The following NAALADL2 variants were observed in gnomAD, a reference collection of about 807,000 sequenced individuals.
NAALADL2 encodes the protein inactive N-acetylated-alpha-linked acidic dipeptidase-like protein 2.
Under a neutral mutation model 87.2 loss-of-function variants are expected in NAALADL2, and 76 were observed. The observed-to-expected ratio is 0.87, with a 90% confidence interval of 0.72 to 1.05. The LOEUF (loss-of-function observed/expected upper bound fraction) is 1.05, where lower values mean the gene tolerates loss of function less well. NAALADL2 is among the 50% of genes least tolerant of loss of function. The pLI, the probability that NAALADL2 is intolerant of heterozygous loss-of-function variation, is 0.00. For missense variants in NAALADL2, 1,089 were observed against 945.8 expected (o/e 1.15, Z -1.99); for synonymous variants, 354 against 331.0 (o/e 1.07, Z -0.75).
At chr3:174,454,434 A>G (rs1406291971) in intron 1 of NAALADL2, among the ~76,000 whole-genome samples, 6 of 152,154 alleles carry the variant, frequency 3.9e-5, no homozygotes, top group African/African-American at 1.4e-4. Context: ...AACAGAATAT[A>G]CATTCTTCTC....
At chr3:174,782,280 T>C (rs1035121252) in intron 3 of NAALADL2, among the ~76,000 whole-genome samples, 1 of 152,094 alleles carries the variant, frequency 6.6e-6, no homozygotes, top group Non-Finnish European at 1.5e-5. Context: ...AAATAGACGA[T>C]AGAGAAGGAA....
intron 1 of NAALADL2, among the ~76,000 whole-genome samples, chr3:174,898,250 C>G (rs1731857883): frequency 6.7e-6 from 1 of 149,286 alleles, no homozygotes; most frequent in Non-Finnish European, 1.5e-5. Flanking sequence ...CACATGTTCT[C>G]ACTTCTTTGT....
chr3:175,173,369 G>T (rs558773866), intron 2 of NAALADL2, among the ~76,000 whole-genome samples: 13 of 151,940 alleles, frequency 8.6e-5, no homozygotes, highest in Middle Eastern at 3.4e-3. Flanking sequence ...AGGCATGTTG[G>T]TGTGTTCCTA....
chr3:175,151,727 AT>A (rs1731577579), intron 2 of NAALADL2, among the ~76,000 whole-genome samples: 1 of 152,204 alleles, frequency 6.6e-6, no homozygotes, highest in Non-Finnish European at 1.5e-5. Context: ...CTTTATGGAA[AT>A]TTAAAAACCT....
chr3:175,545,636 C>T (rs1296029199), intron 9 of NAALADL2, among the ~76,000 whole-genome samples: 3 of 152,112 alleles, frequency 2.0e-5, no homozygotes, highest in African/African-American at 4.8e-5. Context: ...TATTTATTAT[C>T]ATGCTGTTTA....
At chr3:175,039,034 C>A (rs1302613476) in intron 1 of NAALADL2, among the ~76,000 whole-genome samples, 1 of 152,018 alleles carries the variant, frequency 6.6e-6, no homozygotes, top group African/African-American at 2.4e-5. Flanking sequence ...CAGTTGCGGG[C>A]TAGGAGTAGC....
intron 2 of NAALADL2, among the ~76,000 whole-genome samples, chr3:175,126,385 G>T (rs1726956318): frequency 6.6e-6 from 1 of 152,094 alleles, no homozygotes; most frequent in Non-Finnish European, 1.5e-5. Flanking sequence ...GGGATCAGCT[G>T]AGCTGTCTCA....
chr3:174,679,823 C>T (rs1340378999), intron 2 of NAALADL2, among the ~76,000 whole-genome samples: 3 of 151,966 alleles, frequency 2.0e-5, no homozygotes, highest in Admixed American at 1.3e-4. Flanking sequence ...TTTTGTATTC[C>T]TGCTTATGAT....
chr3:174,878,839 A>G (rs1218553301), intron 1 of NAALADL2, among the ~76,000 whole-genome samples: 4 of 152,064 alleles, frequency 2.6e-5, no homozygotes, highest in Admixed American at 6.6e-5. Context: ...AAAAGGGGCC[A>G]TGTGATTATT....
intron 2 of NAALADL2, among the ~76,000 whole-genome samples, chr3:174,642,747 A>AAT (rs1560112291): frequency 3.4e-5 from 2 of 58,948 alleles, no homozygotes; most frequent in Admixed American, 2.7e-4. Context: ...CATGAAAAAA[A>AAT]ACATATATAT....
chr3:175,429,210 C>CACAT (rs76602013), intron 5 of NAALADL2, among the ~76,000 whole-genome samples: 3,697 of 147,844 alleles, frequency 0.025, 87 homozygotes, highest in East Asian at 0.054. Flanking sequence ...CACACACACA[C>CACAT]ATATATATAC....
At chr3:175,409,163 A>G (rs1712987070) in intron 5 of NAALADL2, among the ~76,000 whole-genome samples, 1 of 152,004 alleles carries the variant, frequency 6.6e-6, no homozygotes, top group African/African-American at 2.4e-5. Flanking sequence ...TCTGAATATC[A>G]ACCTTATATG....
At chr3:174,470,358 G>A (rs577662547) in intron 1 of NAALADL2, among the ~76,000 whole-genome samples, 1 of 152,004 alleles carries the variant, frequency 6.6e-6, no homozygotes, top group Non-Finnish European at 1.5e-5. Flanking sequence ...TTTGGTTTTT[G>A]CTTGTTGATT....
At chr3:175,378,736 C>T (rs1767447665) in intron 5 of NAALADL2, among the ~76,000 whole-genome samples, 1 of 152,144 alleles carries the variant, frequency 6.6e-6, no homozygotes, top group African/African-American at 2.4e-5. Flanking sequence ...TCATAAGACT[C>T]ACCTTGTTGC....
intron 4 of NAALADL2, among the ~76,000 whole-genome samples, chr3:175,272,437 A>G (rs1222170920): frequency 1.3e-5 from 2 of 150,484 alleles, no homozygotes; most frequent in African/African-American, 4.9e-5. Flanking sequence ...TTTGTGACAG[A>G]GTTAAGATTA....
chr3:174,823,438 CA>C (rs1308633124), intron 3 of NAALADL2, among the ~76,000 whole-genome samples: 7 of 152,100 alleles, frequency 4.6e-5, no homozygotes, highest in African/African-American at 1.7e-4. Context: ...GGCAAATTTA[CA>C]AAAGACCACT....
intron 3 of NAALADL2, among the ~76,000 whole-genome samples, chr3:174,781,184 G>A (rs974990824): frequency 3.9e-5 from 6 of 151,974 alleles, no homozygotes; most frequent in South Asian, 2.1e-4. Context: ...TGGGTAACCC[G>A]ACCTTTCTCT....
chr3:174,448,155 C>T (rs1715196296), intron 1 of NAALADL2, among the ~76,000 whole-genome samples: 1 of 152,114 alleles, frequency 6.6e-6, no homozygotes, highest in Non-Finnish European at 1.5e-5. Flanking sequence ...TATTGACATA[C>T]AGGAATTTGC....
chr3:175,113,831 C>G (rs1025774052), intron 2 of NAALADL2, among the ~76,000 whole-genome samples: 1 of 151,454 alleles, frequency 6.6e-6, no homozygotes, highest in Non-Finnish European at 1.5e-5. Flanking sequence ...TTTTCAAAAT[C>G]GTAAACAAAC....
Sources: allele counts gnomAD v4.1 joint callset (sites outside exome capture counted in the v4.1 genomes callset), GRCh38; gene constraint gnomAD v4.1.1; transcripts MANE v1.5; gene names NCBI Gene and HGNC (gene_info 2026-07-23, HGNC 2026-07-21).